LIFR: variants seen among roughly 807,000 people sequenced by gnomAD.
LIFR encodes the protein leukemia inhibitory factor receptor.
LIFR carries 84 observed loss-of-function variants against 122.2 expected under a neutral mutation model. The observed-to-expected ratio is 0.69, with a 90% confidence interval of 0.58 to 0.82. LIFR has a LOEUF of 0.82. LIFR is among the 40% of genes least tolerant of loss of function. The probability of loss-of-function intolerance (pLI) is 0.00; values close to 1 mark genes in which losing one functional copy is unlikely to be tolerated. For synonymous variants in LIFR, 422 were observed against 434.7 expected (o/e 0.97, Z 0.36); for missense variants, 1,294 against 1,311.6 (o/e 0.99, Z 0.21).
At chr5:38,495,452 T>G (rs544376134) in intron 13 of LIFR, among the ~76,000 whole-genome samples, 1 of 152,338 alleles carries the variant, frequency 6.6e-6, no homozygotes, top group East Asian at 1.9e-4. Flanking sequence ...CCAGCAGCAC[T>G]GCTGCCTGGG....
intron 1 of LIFR, chr5:38,530,885 T>A: frequency 2.0e-6 from 1 of 501,974 alleles, no homozygotes; most frequent in Non-Finnish European, 3.6e-6. Flanking sequence ...AATTTTCAAA[T>A]GATGGGCTTC....
intron 1 of LIFR, among the ~76,000 whole-genome samples, chr5:38,564,117 G>T (rs556453203): frequency 1.3e-5 from 2 of 152,112 alleles, no homozygotes; most frequent in Non-Finnish European, 2.9e-5. Flanking sequence ...AGATTGTATT[G>T]CTAGTTGAGA....
intron 4 of LIFR, among the ~76,000 whole-genome samples, chr5:38,526,846 T>C (rs1746715283): frequency 6.6e-6 from 1 of 152,122 alleles, no homozygotes. Flanking sequence ...TTTCAGTAGC[T>C]TCCCAGATAA....
upstream of LIFR, among the ~76,000 whole-genome samples, chr5:38,597,427 G>A (rs768415347): frequency 2.7e-4 from 41 of 152,172 alleles, 1 homozygote; most frequent in Admixed American, 6.5e-4. Context: ...TCTAGCCCAG[G>A]GGTGCCATCT....
chr5:38,600,917 G>A (rs989918272), intron 2 of LIFR, among the ~76,000 whole-genome samples: 1 of 152,178 alleles, frequency 6.6e-6, no homozygotes, highest in African/African-American at 2.4e-5. Context: ...GCCCTGGGTT[G>A]ATACTGGAAG....
intron 2 of LIFR, among the ~76,000 whole-genome samples, chr5:38,603,781 A>G (rs1750269775): frequency 6.6e-6 from 1 of 152,206 alleles, no homozygotes; most frequent in Non-Finnish European, 1.5e-5. Flanking sequence ...GTAACTATCC[A>G]AGGGTTTTAT....
At chr5:38,534,344 T>C (rs1747179196) in intron 1 of LIFR, among the ~76,000 whole-genome samples, 1 of 151,978 alleles carries the variant, frequency 6.6e-6, no homozygotes, top group South Asian at 2.1e-4. Flanking sequence ...CTCTTCAAGT[T>C]AAAAGAAAGA....
intron 5 of LIFR, among the ~76,000 whole-genome samples, chr5:38,514,072 CAT>C (rs1232731145): frequency 4.0e-5 from 6 of 151,410 alleles, no homozygotes; most frequent in African/African-American, 7.3e-5. Flanking sequence ...AATTAATAAA[CAT>C]ATGAATAGAA....
intron 1 of LIFR, chr5:38,579,004 G>A (rs918548663): frequency 6.6e-6 from 1 of 152,184 alleles, no homozygotes; most frequent in Non-Finnish European, 1.5e-5. Context: ...AAGTGGTAAA[G>A]GTTCAGATAA....
intron 15 of LIFR, 27 bp from the exon 16 acceptor site, chr5:38,489,272 A>G (rs1332788646): frequency 8.2e-6 from 13 of 1,576,906 alleles, no homozygotes; most frequent in African/African-American, 2.7e-5. Context: ...TCAATTGCTA[A>G]AGGGGAGTGT....
intron 7 of LIFR, among the ~76,000 whole-genome samples, chr5:38,507,460 A>G (rs1452015188): frequency 6.1e-5 from 9 of 148,602 alleles, no homozygotes; most frequent in Non-Finnish European, 1.2e-4. Flanking sequence ...GCTATTCGGG[A>G]GGCTGAGGCA....
intron 6 of LIFR, among the ~76,000 whole-genome samples, chr5:38,511,459 T>C (rs902880714): frequency 1.3e-5 from 2 of 151,816 alleles, no homozygotes; most frequent in Admixed American, 6.5e-5. Flanking sequence ...GAGCCAGAAA[T>C]TGGGAACTGT....
At chr5:38,492,662 G>A (rs1744658014) in intron 14 of LIFR, among the ~76,000 whole-genome samples, 1 of 152,086 alleles carries the variant, frequency 6.6e-6, no homozygotes, top group Admixed American at 6.5e-5. Flanking sequence ...CCAATGAATG[G>A]GACCCATCCT....
At chr5:38,496,333 C>A (rs1430905549) in intron 13 of LIFR, 49 bp downstream of exon 13, 1 of 1,380,402 alleles carries the variant, frequency 7.2e-7, no homozygotes, top group Non-Finnish European at 1.0e-6. Context: ...TCAGACATTT[C>A]TCACTTTAGT....
At chr5:38,556,867 T>A (rs1330469750), upstream of LIFR, 2 of 151,198 alleles carry the variant, frequency 1.3e-5, no homozygotes, top group Non-Finnish European at 2.9e-5. Context: ...CCTCCGAGCC[T>A]CCGGTGGTGA....
At chr5:38,595,116 G>A (rs1268202132) in intron 1 of LIFR, 3 of 174,148 alleles carry the variant, frequency 1.7e-5, no homozygotes, top group Non-Finnish European at 3.7e-5. Flanking sequence ...ACTTTTGTAG[G>A]ACAAAGAGGT....
intron 3 of LIFR, among the ~76,000 whole-genome samples, chr5:38,527,496 T>C (rs1003747332): frequency 6.6e-6 from 1 of 152,160 alleles, no homozygotes; most frequent in Non-Finnish European, 1.5e-5. Flanking sequence ...ACAACCTCAT[T>C]GTACCAAAAG....
intron 5 of LIFR, among the ~76,000 whole-genome samples, chr5:38,520,948 A>C (rs1746366192): frequency 6.6e-6 from 1 of 152,030 alleles, no homozygotes; most frequent in African/African-American, 2.4e-5. Context: ...AAATTTTAGG[A>C]TTGTTTTTTC....
At chr5:38,591,272 G>T (rs570433532) in intron 1 of LIFR, among the ~76,000 whole-genome samples, 163 of 152,362 alleles carry the variant, frequency 1.1e-3, no homozygotes, top group Non-Finnish European at 1.4e-3. Flanking sequence ...CATTTTAGTT[G>T]CCATTAGCAA....
Sources: allele counts gnomAD v4.1 joint callset (sites outside exome capture counted in the v4.1 genomes callset), GRCh38; gene constraint gnomAD v4.1.1; transcripts MANE v1.5; gene names NCBI Gene and HGNC (gene_info 2026-07-23, HGNC 2026-07-21).